Variants in ARSB observed in about 807,000 individuals in gnomAD.
ARSB encodes arylsulfatase B, also known as N-acetylgalactosamine-4-sulfatase.
Under a neutral mutation model 50.9 loss-of-function variants are expected in ARSB, and 41 were observed. The observed-to-expected ratio is 0.81, with a 90% CI of 0.63 to 1.04. The LOEUF is 1.04. ARSB is among the 50% of genes least tolerant of loss of function. ARSB has a pLI of 0.00. For missense variants in ARSB, 672 were observed against 693.3 expected (o/e 0.97, Z 0.35); for synonymous variants, 269 against 284.8 (o/e 0.94, Z 0.56).
chr5:78,899,482 C>T (rs1207123190), intron 4 of ARSB, among the ~76,000 whole-genome samples: 1 of 152,142 alleles, frequency 6.6e-6, no homozygotes, highest in Non-Finnish European at 1.5e-5. Context: ...TAATTTTTTA[C>T]ATATTGTAGG....
At chr5:78,853,536 C>T (rs1745961529) in intron 5 of ARSB, among the ~76,000 whole-genome samples, 1 of 152,220 alleles carries the variant, frequency 6.6e-6, no homozygotes, top group Non-Finnish European at 1.5e-5. Context: ...AGGCAGTCTG[C>T]CCGTTCTCAG....
At chr5:78,953,893 T>G (rs184709501) in intron 4 of ARSB, among the ~76,000 whole-genome samples, 225 of 152,202 alleles carry the variant, frequency 1.5e-3, no homozygotes, top group African/African-American at 5.1e-3. Flanking sequence ...AATACACATT[T>G]AAGAGTAATG....
chr5:78,936,559 C>A (rs966792191), intron 4 of ARSB, among the ~76,000 whole-genome samples: 3 of 151,782 alleles, frequency 2.0e-5, no homozygotes, highest in African/African-American at 7.3e-5. Flanking sequence ...TAACTTGAAT[C>A]AAAATAAATG....
Position 78,978,822 on chromosome 5 carries a change from A to C in ARSB, c.312+6115T>G, listed in dbSNP as rs149593655. On this transcript the variant is annotated intron_variant, in intron 1 of 7. Coordinates refer to ENST00000264914, the MANE Select transcript of ARSB (RefSeq NM_000046.5). ...ATCCACATACCTCAAATTGTACATAAAAATGAACTCCAAATGGATCAAAGA... is the reference window on the plus strand; with the variant it reads ...ATCCACATACCTCAAATTGTACATACAAATGAACTCCAAATGGATCAAAGA... 8.9e-3 allele frequency among the ~76,000 whole-genome samples: 1,356 copies of C among 152,332 alleles called. 71 individuals are homozygous for C. Among genetic ancestry groups the C allele is most frequent in the Admixed American group, 0.081 (1,233 of 15,300 alleles).
chr5:78,949,896 C>T (rs1258325730), intron 4 of ARSB, among the ~76,000 whole-genome samples: 4 of 152,012 alleles, frequency 2.6e-5, no homozygotes, highest in African/African-American at 4.8e-5. Flanking sequence ...AGTGACAGAG[C>T]GAGACTCCAT....
chr5:78,797,031 C>G (rs1743210274), intron 6 of ARSB, among the ~76,000 whole-genome samples: 1 of 152,126 alleles, frequency 6.6e-6, no homozygotes, highest in Non-Finnish European at 1.5e-5. Context: ...GCGCCCGCCA[C>G]TATGCCTGGC....
chr5:78,863,023 T>TC (rs759528715), intron 5 of ARSB, among the ~76,000 whole-genome samples: 1 of 152,180 alleles, frequency 6.6e-6, no homozygotes, highest in Non-Finnish European at 1.5e-5. Context: ...TCATCACTGG[T>TC]CATCAGAGAA....
intron 4 of ARSB, among the ~76,000 whole-genome samples, chr5:78,940,680 C>T (rs337839): frequency 0.8 from 121,727 of 152,174 alleles, 49,357 homozygotes; most frequent in African/African-American, 0.94. Flanking sequence ...CTGTTTCAGT[C>T]ACTGTAGCCT....
At position 78,922,195 on chromosome 5, in the gene ARSB, G is replaced by A. The variant is rs371694898; in HGVS notation, c.898+33100C>T. The stretch of plus-strand genomic sequence containing the variant: ...TACCATGCTGGGCTTAGAGCCAGTG[G>A]ATTTGGTGGGGGGGGAGGAGGGGGC... On this transcript the variant is annotated intron_variant, in intron 4 of 7. Coordinates refer to ENST00000264914, the MANE Select transcript of ARSB (RefSeq NM_000046.5). Among the ~76,000 whole-genome samples, 88 of 147,544 alleles carry A rather than the reference G, an allele frequency of 6.0e-4. 2 individuals carry two copies. In the South Asian group the frequency reaches 0.019, roughly 33 times the overall value.
intron 6 of ARSB, among the ~76,000 whole-genome samples, chr5:78,792,357 C>T (rs570777743): frequency 3.4e-5 from 5 of 147,510 alleles, no homozygotes; most frequent in African/African-American, 7.6e-5. Flanking sequence ...CCAGCCTGGA[C>T]GACAGAGTGA....
chr5:78,961,162 T>C (rs1751966798), intron 3 of ARSB, among the ~76,000 whole-genome samples: 1 of 152,230 alleles, frequency 6.6e-6, no homozygotes, highest in Non-Finnish European at 1.5e-5. Flanking sequence ...AACAAGTTCC[T>C]TATGCTACAA....
At chr5:78,878,868 T>C (rs78396961) in intron 5 of ARSB, among the ~76,000 whole-genome samples, 1 of 144,448 alleles carries the variant, frequency 6.9e-6, no homozygotes, top group Non-Finnish European at 1.5e-5. Flanking sequence ...TTTTTTTTTT[T>C]CCTGAAACAG....
At chr5:78,903,394 T>A (rs1420639524) in intron 4 of ARSB, among the ~76,000 whole-genome samples, 1 of 152,214 alleles carries the variant, frequency 6.6e-6, no homozygotes, top group East Asian at 1.9e-4. Flanking sequence ...GCACAAAAGA[T>A]GTGATTCCTC....
intron 4 of ARSB, among the ~76,000 whole-genome samples, chr5:78,950,064 T>G (rs1324803732): frequency 6.6e-6 from 1 of 152,192 alleles, no homozygotes; most frequent in East Asian, 1.9e-4. Flanking sequence ...TAACCTTAAC[T>G]CATTTTACTC....
intron 5 of ARSB, among the ~76,000 whole-genome samples, chr5:78,866,471 G>T (rs1027627432): frequency 6.6e-6 from 1 of 152,126 alleles, no homozygotes; most frequent in African/African-American, 2.4e-5. Context: ...ACCATATCAA[G>T]GGGAAAGGAC....
chr5:78,896,281 C>T (rs1036854586), intron 4 of ARSB, among the ~76,000 whole-genome samples: 2 of 152,112 alleles, frequency 1.3e-5, no homozygotes, highest in African/African-American at 4.8e-5. Flanking sequence ...CAGCCAGGAA[C>T]AGGAATGTTT....
intron 5 of ARSB, among the ~76,000 whole-genome samples, chr5:78,873,041 A>AT (rs1345404656): frequency 1.3e-5 from 2 of 152,162 alleles, no homozygotes; most frequent in Non-Finnish European, 2.9e-5. Context: ...GTTAAAAAAA[A>AT]TAGAAAATGA....
intron 5 of ARSB, among the ~76,000 whole-genome samples, chr5:78,858,271 C>T (rs1746254490): frequency 6.6e-6 from 1 of 152,162 alleles, no homozygotes; most frequent in Admixed American, 6.6e-5. Flanking sequence ...TTTCTTCACC[C>T]TCTTCTCTTG....
intron 4 of ARSB, among the ~76,000 whole-genome samples, chr5:78,909,617 C>T (rs1580046655): frequency 6.6e-6 from 1 of 152,148 alleles, no homozygotes; most frequent in Non-Finnish European, 1.5e-5. Flanking sequence ...TAAAAGTCAT[C>T]GCCATTCTCC....
Sources: allele counts gnomAD v4.1 joint callset (sites outside exome capture counted in the v4.1 genomes callset), GRCh38; gene constraint gnomAD v4.1.1; transcripts MANE v1.5; gene names NCBI Gene and HGNC (gene_info 2026-07-23, HGNC 2026-07-21).